The following TRAM2 variants were observed in gnomAD, a reference collection of about 807,000 sequenced individuals.
TRAM2 encodes translocation associated membrane protein 2, also known as translocating chain-associated membrane protein 2.
TRAM2 carries 12 observed loss-of-function variants against 51.0 expected under a neutral mutation model. That is an observed-to-expected ratio of 0.24 (90% CI 0.15 to 0.38). TRAM2 has a LOEUF of 0.38. Ranked by LOEUF, TRAM2 falls within the 10% of genes least tolerant of loss-of-function variation. TRAM2 has a pLI of 1.00. For missense variants in TRAM2, 361 were observed against 462.0 expected (o/e 0.78, Z 2.00); for synonymous variants, 175 against 179.4 (o/e 0.98, Z 0.20).
intron 1 of TRAM2, among the ~76,000 whole-genome samples, chr6:52,565,586 AAG>A (rs2114107137): frequency 6.6e-6 from 1 of 152,234 alleles, no homozygotes; most frequent in South Asian, 2.1e-4. Flanking sequence ...AAATCAGACA[AAG>A]GGAAAATCTC....
At chr6:52,521,590 G>T (rs1430629199) in intron 2 of TRAM2, among the ~76,000 whole-genome samples, 1 of 151,930 alleles carries the variant, frequency 6.6e-6, no homozygotes, top group East Asian at 1.9e-4. Context: ...CCAGCTACTC[G>T]GGAGGCTGAG....
chr6:52,574,759 G>T (rs544041934), intron 1 of TRAM2, among the ~76,000 whole-genome samples: 13 of 152,278 alleles, frequency 8.5e-5, no homozygotes, highest in Admixed American at 2.6e-4. Context: ...CTTTTAGAGT[G>T]GCAGGTTTAA....
At chr6:52,547,389 G>A (rs1486668364) in intron 1 of TRAM2, among the ~76,000 whole-genome samples, 1 of 152,172 alleles carries the variant, frequency 6.6e-6, no homozygotes, top group Admixed American at 6.5e-5. Flanking sequence ...CCCTTTCTCA[G>A]TTCCCCAAGA....
chr6:52,571,201 A>G (rs930575648), intron 1 of TRAM2, among the ~76,000 whole-genome samples: 4 of 152,206 alleles, frequency 2.6e-5, no homozygotes, highest in African/African-American at 9.6e-5. Flanking sequence ...GCTGATTAGA[A>G]AGCACTTCTG....
At chr6:52,576,230 G>C (rs567834382) in intron 1 of TRAM2, among the ~76,000 whole-genome samples, 1 of 152,322 alleles carries the variant, frequency 6.6e-6, no homozygotes, top group African/African-American at 2.4e-5. Flanking sequence ...GGAGCGAGAC[G>C]AGAGCAGAAG....
rs143761655 is a variant in TRAM2 at position 52,503,209 on chromosome 6, G to T, written c.1101C>A (p.Leu367=). 6.2e-7 allele frequency: 1 copy of T among 1,613,794 alleles called. No individual in the cohort carries two copies. Among genetic ancestry groups the T allele is most frequent in the Non-Finnish European group, 8.5e-7 (1 of 1,179,924 alleles). ...TAGCACTTTGGCCTTAGGGAGACTT[G>T]AGTTTCTTAGTCCGTGGGGAGGTTC... ...ENGTSPRTKK[L]KSP Residue 367 remains leucine, a synonymous_variant, in exon 11 of 11, where the codon CTC becomes CTA. Coordinates refer to ENST00000182527, the MANE Select transcript of TRAM2 (RefSeq NM_012288.4).
At chr6:52,503,387 T>G in intron 10 of TRAM2, 117 bp from the exon 11 acceptor site, 3 of 900,174 alleles carry the variant, frequency 3.3e-6, no homozygotes, top group Middle Eastern at 2.7e-4. Flanking sequence ...TATACATGGA[T>G]GCACCAAAGG....
Position 52,500,132 on chromosome 6 carries a change from G to A in TRAM2, c.*3065C>T, listed in dbSNP as rs866084655. The A allele has an allele frequency of 3.3e-4, 51 of 152,296 alleles. No individual in the cohort carries two copies. Among genetic ancestry groups the A allele is most frequent in the African/African-American group, 1.2e-3 (51 of 41,432 alleles). 9.4% of individuals were successfully genotyped at this position (152,296 alleles called of 1,614,324 possible). ...CCAGGGCTGTCGAGAGGCCACAGTTGCTGGGGTAGGTTTACGTCTTTTCTC... is the reference window on the plus strand; with the variant it reads ...CCAGGGCTGTCGAGAGGCCACAGTTACTGGGGTAGGTTTACGTCTTTTCTC... On this transcript the variant is annotated 3_prime_UTR_variant, in exon 11 of 11. Transcript: ENST00000182527.
intron 4 of TRAM2, among the ~76,000 whole-genome samples, chr6:52,513,886 G>A (rs1199228537): frequency 6.6e-6 from 1 of 152,178 alleles, no homozygotes; most frequent in Non-Finnish European, 1.5e-5. Context: ...TCTCCTTCTA[G>A]AAAAAAGATA....
chr6:52,549,278 CCCTT>C (rs113853642), intron 1 of TRAM2, among the ~76,000 whole-genome samples: 2 of 146,220 alleles, frequency 1.4e-5, no homozygotes, highest in African/African-American at 2.5e-5. Context: ...CTCCCTCCCT[CCCTT>C]CCTTCCAAAA....
chr6:52,569,287 G>A lies in TRAM2; in HGVS notation c.120+7509C>T, dbSNP rs551371286. ...CACCTGTAGTCCCAGCCACTTGGGAGGCTGAAGTGGGAGAATCGCTTGAAC... is the reference window on the plus strand; with the variant it reads ...CACCTGTAGTCCCAGCCACTTGGGAAGCTGAAGTGGGAGAATCGCTTGAAC... On this transcript the variant is annotated intron_variant, in intron 1 of 10. Transcript: ENST00000182527. Among the ~76,000 whole-genome samples the A allele has an allele frequency of 3.1e-4, 47 of 151,870 alleles. 1 individual carries two copies. Among genetic ancestry groups the A allele is most frequent in the Non-Finnish European group, 5.9e-4 (40 of 67,992 alleles).
In TRAM2 at chr6:52,503,133, GCCTGGGCTCCTTGC is replaced by G; in HGVS notation, c.*50_*63del. 7.3e-7 allele frequency: 1 copy of G among 1,370,352 alleles called. No individual in the cohort carries two copies. The highest frequency in any genetic ancestry group is 2.3e-5 in the East Asian group (1 of 43,728). The allele number at this position is 1,370,352 out of a possible 1,614,324, so 84.9% of individuals were successfully genotyped here. A position where few individuals can be genotyped will look rare whatever the true frequency, so the allele number is the denominator to read the frequency against. On this transcript the variant is annotated 3_prime_UTR_variant, in exon 11 of 11. Transcript: ENST00000182527. Reference sequence around the variant, plus strand: ...GCAGGAAGGAGGAGGCAGGGAGGGGGCCTGGGCTCCTTGCCCCCTGCTCGGCCCCCACCAAGAGG... The same window carrying G: ...GCAGGAAGGAGGAGGCAGGGAGGGGGCCCCTGCTCGGCCCCCACCAAGAGG...
intron 1 of TRAM2, among the ~76,000 whole-genome samples, chr6:52,570,813 A>G (rs1006912425): frequency 6.2e-4 from 18 of 28,890 alleles, no homozygotes; most frequent in Non-Finnish European, 9.8e-4. Flanking sequence ...CCCCACACGC[A>G]CACACACTCT....
intron 9 of TRAM2, among the ~76,000 whole-genome samples, chr6:52,505,205 G>C (rs1052382925): frequency 3.9e-5 from 6 of 152,204 alleles, no homozygotes; most frequent in Non-Finnish European, 8.8e-5. Flanking sequence ...CTGGGCCTAG[G>C]GGCTCCGGAA....
At chr6:52,508,177 G>A in intron 6 of TRAM2, 57 bp downstream of exon 6, 2 of 1,506,214 alleles carry the variant, frequency 1.3e-6, no homozygotes, top group Non-Finnish European at 1.8e-6. Flanking sequence ...CCTGGGAATA[G>A]CAGGAGGGGA....
chr6:52,505,827 G>A, intron 8 of TRAM2, 85 bp from the exon 9 acceptor site: 1 of 1,516,584 alleles, frequency 6.6e-7, no homozygotes, highest in Non-Finnish European at 8.9e-7. Flanking sequence ...GACCCCGAGT[G>A]GGAAGAGGAT....
At chr6:52,575,723 C>G (rs948682189) in intron 1 of TRAM2, among the ~76,000 whole-genome samples, 1 of 152,126 alleles carries the variant, frequency 6.6e-6, no homozygotes, top group African/African-American at 2.4e-5. Flanking sequence ...CTAACCCAAC[C>G]GTGAGAATGC....
intron 1 of TRAM2, among the ~76,000 whole-genome samples, chr6:52,571,820 C>T (rs913460114): frequency 9.9e-5 from 15 of 152,174 alleles, no homozygotes; most frequent in Non-Finnish European, 1.6e-4. Flanking sequence ...GAGGATGAAA[C>T]GTGGACTCCC....
At chr6:52,529,357 T>A (rs1385965002) in intron 2 of TRAM2, among the ~76,000 whole-genome samples, 1 of 151,962 alleles carries the variant, frequency 6.6e-6, no homozygotes, top group East Asian at 1.9e-4. Context: ...GTTTAGGGGT[T>A]TCCCTATCCT....
Sources: allele counts gnomAD v4.1 joint callset (sites outside exome capture counted in the v4.1 genomes callset), GRCh38; gene constraint gnomAD v4.1.1; transcripts MANE v1.5; gene names NCBI Gene and HGNC (gene_info 2026-07-23, HGNC 2026-07-21).